Variants in XRN1 observed in about 807,000 individuals in gnomAD.
The protein encoded by XRN1 is 5'-3' exoribonuclease 1.
A neutral mutation model predicts 222.3 loss-of-function variants in XRN1; 67 were observed. That is an observed-to-expected ratio of 0.30 (90% CI 0.25 to 0.37). The LOEUF (loss-of-function observed/expected upper bound fraction) is 0.37. Ranked by LOEUF, XRN1 falls within the 10% of genes least tolerant of loss-of-function variation. The probability of loss-of-function intolerance (pLI) is 1.00; values close to 1 mark genes in which losing one functional copy is unlikely to be tolerated. For synonymous variants in XRN1, 643 were observed against 652.4 expected, an observed-to-expected ratio of 0.99 and a Z score of 0.22; for missense variants, 1,707 against 2,000.2, an observed-to-expected ratio of 0.85 and a Z score of 2.80.
intron 33 of XRN1, among the ~76,000 whole-genome samples, chr3:142,345,101 T>A (rs1359318756): frequency 1.3e-5 from 2 of 152,130 alleles, no homozygotes; most frequent in Admixed American, 6.5e-5. Flanking sequence ...ACATCTACAG[T>A]CAATTACTTC....
chr3:142,339,520 C>T (rs2065932697), intron 33 of XRN1, among the ~76,000 whole-genome samples: 1 of 152,174 alleles, frequency 6.6e-6, no homozygotes, highest in Non-Finnish European at 1.5e-5. Flanking sequence ...TCCCCAGACA[C>T]CAACAAACAT....
At position 142,383,424 on chromosome 3, in the gene XRN1, T is replaced by G. The variant is rs1361860028; in HGVS notation, c.2503-11A>C. ...GAAAGCTCGGATGTCCTACATAAAA[T>G]AAAAGTAAATAATCTTAGTCATAAT... On this transcript the variant is annotated splice_polypyrimidine_tract_variant and intron_variant, in intron 21 of 40. Coordinates refer to ENST00000392981, the MANE Select transcript of XRN1 (RefSeq NM_001282857.2). 2 of 1,592,060 alleles carry G rather than the reference T, an allele frequency of 1.3e-6. No individual in the cohort carries two copies. Among genetic ancestry groups the G allele is most frequent in the African/African-American group, 2.7e-5 (2 of 73,994 alleles).
chr3:142,399,352 C>T (rs2068044234), intron 19 of XRN1, among the ~76,000 whole-genome samples: 1 of 151,722 alleles, frequency 6.6e-6, no homozygotes, highest in African/African-American at 2.4e-5. Context: ...GAAGCACAGT[C>T]TTTTCAACAA....
Position 142,442,923 on chromosome 3 carries a change from C to T in XRN1, c.75+4947G>A, listed in dbSNP as rs554529452. 1.8e-4 allele frequency among the ~76,000 whole-genome samples: 27 copies of T among 152,104 alleles called. No individual in the cohort carries two copies. The East Asian group carries it at 4.3e-3, about 24-fold the overall frequency. ...TAATTTTTTGTATTTTTAGTAGAGA[C>T]GGGGTTTCACCGTGTTAGCCAGGAT... On this transcript the variant is annotated intron_variant, in intron 1 of 40. Transcript: ENST00000392981.
Position 142,412,593 on chromosome 3 carries a change from C to T in XRN1, c.1664G>A (p.Gly555Glu). 1 of 1,607,444 alleles carries T rather than the reference C, an allele frequency of 6.2e-7. No homozygotes were observed. Among genetic ancestry groups the T allele is most frequent in the Non-Finnish European group, 8.5e-7 (1 of 1,175,694 alleles). The change falls in exon 15 of 41, where the codon GGG (glycine) becomes GAG (glutamate). Residue 555 changes from glycine to glutamate, a missense_variant. Gly to Glu is a moderately conservative substitution (Grantham distance 98). Coordinates refer to ENST00000392981, the MANE Select transcript of XRN1 (RefSeq NM_001282857.2). Reference sequence around the variant, plus strand: ...CACAGCTTCCCATTCCTGTTGTTTCCCATTTAGGTCAGTTTTAAAATCAGG... The same window carrying T: ...CACAGCTTCCCATTCCTGTTGTTTCTCATTTAGGTCAGTTTTAAAATCAGG... ...YPPDFKTDLN[G>E]KQQEWEAVVL...
Position 142,400,325 on chromosome 3 carries a change from G to A in XRN1, c.2207+119C>T, listed in dbSNP as rs886271949. On this transcript the variant is annotated intron_variant, in intron 19 of 40. Transcript: ENST00000392981. ...GTGTCATTAGACGACTTTCATTTTTGGTACAGAGTGTAAATGTTCTTAATA... is the reference window on the plus strand; with the variant it reads ...GTGTCATTAGACGACTTTCATTTTTAGTACAGAGTGTAAATGTTCTTAATA... 12 of 721,976 alleles carry A rather than the reference G, an allele frequency of 1.7e-5. No homozygotes were observed. In the African/African-American group the frequency reaches 2.2e-4, roughly 13 times the overall value. 44.7% of individuals were successfully genotyped at this position (721,976 alleles called of 1,614,324 possible).
chr3:142,364,541 A>G (rs566273563), intron 29 of XRN1, among the ~76,000 whole-genome samples: 9 of 152,184 alleles, frequency 5.9e-5, no homozygotes, highest in African/African-American at 2.2e-4. Context: ...TATTTTATAT[A>G]TGTAATTTAG....
chr3:142,351,486 G>A (rs116072143), intron 32 of XRN1, among the ~76,000 whole-genome samples: 84 of 152,236 alleles, frequency 5.5e-4, no homozygotes, highest in African/African-American at 1.9e-3. Flanking sequence ...TAAAGTGATG[G>A]GAATGAAAGA....
At chr3:142,314,507 T>A (rs1464984031) in intron 39 of XRN1, among the ~76,000 whole-genome samples, 1 of 151,992 alleles carries the variant, frequency 6.6e-6, no homozygotes, top group Non-Finnish European at 1.5e-5. Context: ...CATTTTTGAA[T>A]GTGAAGCAGC....
intron 29 of XRN1, among the ~76,000 whole-genome samples, chr3:142,361,963 C>CTTTTTTTTT (rs71153961): frequency 1.7e-4 from 9 of 51,682 alleles, no homozygotes; most frequent in African/African-American, 2.7e-4. Flanking sequence ...CTTTTTCTCT[C>CTTTTTTTTT]TTTTTTTTTT....
Position 142,311,693 on chromosome 3 carries a change from G to A in XRN1, c.4903C>T (p.Arg1635Trp), listed in dbSNP as rs777642609. 5.0e-5 allele frequency: 80 copies of A among 1,614,026 alleles called. 1 individual carries two copies. Among genetic ancestry groups the A allele is most frequent in the Non-Finnish European group, 6.4e-5 (75 of 1,180,014 alleles). Residue 1635 changes from arginine to tryptophan, a missense_variant, in exon 41 of 41, where the codon CGG becomes TGG. This residue lies in a region of XRN1 where 473 missense variants were observed against 482.0 expected (regional missense o/e 0.98). Coordinates refer to ENST00000392981, the MANE Select transcript of XRN1 (RefSeq NM_001282857.2). The part of the protein sequence containing the change: ...DSSNIVKVSP[R>W]ESSSASLKSS... ...TTCAAAGAAGCTGATGAGCTCTCCC[G>A]TGGACTTACTTTGACAATGTTGGAA...
chr3:142,429,586 G>A (rs536990929), intron 2 of XRN1: 1 of 152,280 alleles, frequency 6.6e-6, no homozygotes, highest in East Asian at 1.9e-4. Flanking sequence ...CTGACTAGGG[G>A]ATTTCTAGGA....
chr3:142,327,304 G>T (rs551640202), intron 37 of XRN1, among the ~76,000 whole-genome samples: 5 of 151,962 alleles, frequency 3.3e-5, no homozygotes, highest in African/African-American at 1.2e-4. Context: ...TCAAGTTTTG[G>T]ATTTCTTCAT....
chr3:142,340,057 C>G (rs954864811), intron 33 of XRN1, among the ~76,000 whole-genome samples: 1 of 151,508 alleles, frequency 6.6e-6, no homozygotes, highest in Non-Finnish European at 1.5e-5. Flanking sequence ...CTTGAATGGG[C>G]CATTTGAAAA....
At position 142,352,006 on chromosome 3, in the gene XRN1, TAG is replaced by T. The variant is rs113076800; in HGVS notation, c.3768+3393_3768+3394del. Among the ~76,000 whole-genome samples the T allele has an allele frequency of 2.0e-5, 3 of 152,276 alleles. 1 individual carries two copies. Among genetic ancestry groups the T allele is most frequent in the African/African-American group, 7.2e-5 (3 of 41,548 alleles). ...CCTCAGGCATATAATCTAAAATGCT[TAG>T]AGTCAAAAATTTTTGCTTTCTAACA... is the stretch of plus-strand genomic sequence containing the variant. On this transcript the variant is annotated intron_variant, in intron 32 of 40. Coordinates refer to ENST00000392981, the MANE Select transcript of XRN1 (RefSeq NM_001282857.2).
chr3:142,379,103 A>T (rs1050871141), intron 23 of XRN1, among the ~76,000 whole-genome samples: 4 of 151,786 alleles, frequency 2.6e-5, no homozygotes, highest in African/African-American at 9.7e-5. Context: ...TCTACTAAAA[A>T]AAAAAAAAAA....
At chr3:142,395,582 G>A (rs1288433142) in intron 20 of XRN1, among the ~76,000 whole-genome samples, 1 of 152,164 alleles carries the variant, frequency 6.6e-6, no homozygotes, top group African/African-American at 2.4e-5. Flanking sequence ...TGAACAAGTT[G>A]TCAATTTCTA....
At chr3:142,320,424 ATC>A (rs1160551356) in intron 37 of XRN1, among the ~76,000 whole-genome samples, 2 of 151,988 alleles carry the variant, frequency 1.3e-5, no homozygotes, top group Non-Finnish European at 2.9e-5. Flanking sequence ...TAATGGGGTT[ATC>A]TGTTTTTTAC....
intron 1 of XRN1, among the ~76,000 whole-genome samples, chr3:142,434,659 G>C (rs1409449902): frequency 6.6e-6 from 1 of 152,056 alleles, no homozygotes; most frequent in East Asian, 1.9e-4. Context: ...TTGAGAGACT[G>C]AAGTGAGAGA....
Sources: gnomAD v4.1 joint callset for allele counts (sites outside exome capture counted in the v4.1 genomes callset) on GRCh38, gnomAD v4.1.1 for gene constraint, gnomAD v4.1.1 regional missense constraint, MANE v1.5 for transcripts, NCBI Gene and HGNC (gene_info 2026-07-23, HGNC 2026-07-21) for gene names.